Variants in SLC38A2 observed in about 807,000 individuals in gnomAD.
The protein encoded by SLC38A2 is sodium-coupled neutral amino acid symporter 2.
In SLC38A2, 11 loss-of-function variants were observed where a neutral mutation model predicts 61.5. The ratio of observed to expected loss-of-function variants is 0.18; its 90% confidence interval spans 0.11 to 0.30. The LOEUF (loss-of-function observed/expected upper bound fraction) is 0.30, where lower values mean the gene tolerates loss of function less well. Ranked by LOEUF, SLC38A2 falls within the 10% of genes least tolerant of loss-of-function variation. The pLI is 1.00. For missense variants in SLC38A2, 522 were observed against 600.4 expected (o/e 0.87, Z 1.36); for synonymous variants, 217 against 212.5 (o/e 1.02, Z -0.18).
At position 46,371,320 on chromosome 12, in the gene SLC38A2, A is replaced by G. The variant is rs1157594787; in HGVS notation, c.-27T>C. 4 of 1,582,128 alleles carry G rather than the reference A, an allele frequency of 2.5e-6. No individual in the cohort carries two copies. Among genetic ancestry groups the G allele is most frequent in the Non-Finnish European group, 3.5e-6 (4 of 1,151,070 alleles). On this transcript the variant is annotated 5_prime_UTR_variant, in exon 2 of 16. Transcript: ENST00000256689. ...CTAAGCACTGGGAGGAATCGGGTGC[A>G]GCTAGTAGCGCTGGGCTCCTTTTGT...
At chr12:46,361,292 T>G in intron 15 of SLC38A2, 83 bp from the exon 16 acceptor site, 20 of 1,097,374 alleles carry the variant, frequency 1.8e-5, no homozygotes, top group Non-Finnish European at 2.7e-5. Flanking sequence ...AAATGTGCTT[T>G]AATTACTAAA....
chr12:46,364,337 CCT>C, intron 10 of SLC38A2, 50 bp downstream of exon 10: 2 of 1,497,732 alleles, frequency 1.3e-6, no homozygotes, highest in Non-Finnish European at 1.8e-6. Flanking sequence ...GAATAGCTTC[CCT>C]CTTTTCTTCC....
intron 15 of SLC38A2, 71 bp from the exon 16 acceptor site, chr12:46,361,280 T>C: frequency 8.0e-7 from 1 of 1,251,112 alleles, no homozygotes; most frequent in Non-Finnish European, 1.1e-6. Flanking sequence ...TTCTATTTTT[T>C]GAAATGTGCT....
intron 13 of SLC38A2, 69 bp from the exon 14 acceptor site, chr12:46,362,707 A>G (rs1943095149): frequency 6.8e-7 from 1 of 1,471,980 alleles, no homozygotes; most frequent in Non-Finnish European, 9.0e-7. Context: ...TCCAGCTTCA[A>G]TGAATGAAAA....
chr12:46,364,470 T>A lies in SLC38A2; in HGVS notation c.792A>T (p.Pro264=). 3.1e-6 allele frequency: 5 copies of A among 1,613,126 alleles called. No individual in the cohort carries two copies. The highest frequency in any genetic ancestry group is 4.2e-6 in the Non-Finnish European group (5 of 1,179,444). Residue 264 remains proline, a synonymous_variant, in exon 10 of 16, where the codon CCA becomes CCT. Transcript: ENST00000256689. ...GTGACAAAGCAGGTACAAGAGCTGT[T>A]GGCTGTGTTAAGGTGGTGTTTATTG... The part of the protein sequence containing the change: ...NETINTTLTQ[P]TALVPALSHN...
chr12:46,363,025 A>C lies in SLC38A2; in HGVS notation c.1175T>G (p.Phe392Cys). 3 of 1,612,630 alleles carry C rather than the reference A, an allele frequency of 1.9e-6. No homozygotes were observed. The highest frequency in any genetic ancestry group is 1.7e-6 in the Non-Finnish European group (2 of 1,179,056). The change falls in exon 13 of 16, where the codon TTC (phenylalanine) becomes TGC (cysteine). Residue 392 changes from phenylalanine to cysteine, a missense_variant. By Grantham distance (205) the Phe-to-Cys change is radical (BLOSUM62 -2). Transcript: ENST00000256689. ...AVTLTVPVVI[F>C]PIRSSVTHLL... ...GCAGAGCAAGTGATTACTTACTGGGAAAATAACTACTGGTACTGTCAGGGT... is the reference window on the plus strand; with the variant it reads ...GCAGAGCAAGTGATTACTTACTGGGCAAATAACTACTGGTACTGTCAGGGT...
rs1299439577 is a variant in SLC38A2, at chr12:46,365,098, T to G, written c.646+9A>C. The G allele has an allele frequency of 6.2e-7, 1 of 1,610,322 alleles. No homozygotes were observed. Among genetic ancestry groups the G allele is most frequent in the Admixed American group, 1.7e-5 (1 of 59,834 alleles). The stretch of plus-strand genomic sequence containing the variant: ...CATTTCAATTCTCTTTAGAGATGAG[T>G]TTGCTCACCTAAATTTCTAAACAGC... On this transcript the variant is annotated intron_variant, in intron 8 of 15. Transcript: ENST00000256689.
chr12:46,366,807 T>C, intron 7 of SLC38A2, 57 bp downstream of exon 7: 8 of 1,437,542 alleles, frequency 5.6e-6, no homozygotes, highest in Non-Finnish European at 7.6e-6. Flanking sequence ...GATAAAAATG[T>C]ATCTAACCAC....
At position 46,360,578 on chromosome 12, in the gene SLC38A2, G is replaced by A. The variant is rs925544725; in HGVS notation, c.*533C>T. On this transcript the variant is annotated 3_prime_UTR_variant, in exon 16 of 16. Coordinates refer to ENST00000256689, the MANE Select transcript of SLC38A2 (RefSeq NM_018976.5). ...TTAAATACCAATGACATTATTTTAT[G>A]GAATTTATTGATAACTGCTTCTGAA... The A allele has an allele frequency of 6.6e-6, 1 of 152,120 alleles. No homozygotes were observed. Among genetic ancestry groups the A allele is most frequent in the African/African-American group, 2.4e-5 (1 of 41,362 alleles). 9.4% of individuals were successfully genotyped at this position (152,120 alleles called of 1,614,324 possible).
rs927053246 is a variant in SLC38A2, at chr12:46,358,453, A to G, written c.*2658T>C. ...AATGTATTCCTTATTTAAATTTTAA[A>G]TAAGAGATCTGAATTTGTACCAAGA... On this transcript the variant is annotated 3_prime_UTR_variant, in exon 16 of 16. Transcript: ENST00000256689. The G allele has an allele frequency of 6.5e-6, 1 of 152,674 alleles. No homozygotes were observed. Among genetic ancestry groups the G allele is most frequent in the African/African-American group, 2.4e-5 (1 of 41,462 alleles). 9.5% of individuals were successfully genotyped at this position (152,674 alleles called of 1,614,324 possible).
rs779138052 is a variant in SLC38A2 at position 46,370,870 on chromosome 12, T to C, written c.117-13A>G. 16 of 1,582,094 alleles carry C rather than the reference T, an allele frequency of 1.0e-5. No homozygotes were observed. In the Admixed American group the frequency reaches 1.6e-4, roughly 16 times the overall value. On this transcript the variant is annotated splice_polypyrimidine_tract_variant and intron_variant, in intron 2 of 15. Transcript: ENST00000256689. The stretch of plus-strand genomic sequence containing the variant: ...ATCTGCATAATGGCTGCAAAAAATA[T>C]AGACATATATAATTGTAAACTGGAT...
intron 2 of SLC38A2, 159 bp from the exon 3 acceptor site, chr12:46,371,016 G>A: frequency 2.4e-6 from 2 of 824,340 alleles, no homozygotes; most frequent in African/African-American, 1.7e-5. Flanking sequence ...TTTCACACCA[G>A]CTATCTTGTC....
chr12:46,367,649 A>G (rs1943152903), intron 4 of SLC38A2, among the ~76,000 whole-genome samples: 2 of 152,146 alleles, frequency 1.3e-5, no homozygotes, highest in Non-Finnish European at 2.9e-5. Context: ...GGAGTTTGAA[A>G]CTTGTATTTT....
chr12:46,367,827 G>A (rs918621448), intron 4 of SLC38A2, among the ~76,000 whole-genome samples: 6 of 152,112 alleles, frequency 3.9e-5, no homozygotes, highest in Non-Finnish European at 7.4e-5. Flanking sequence ...CACATGGACC[G>A]TATACACAAA....
rs77874856 is a variant in SLC38A2 at position 46,369,284 on chromosome 12, G to A, written c.314+1228C>T. ...AACTCCTGAGATTCTAGGATTCTACGTAAATCGCTGGTCCTTCACCTTAGT... is the reference window on the plus strand; with the variant it reads ...AACTCCTGAGATTCTAGGATTCTACATAAATCGCTGGTCCTTCACCTTAGT... On this transcript the variant is annotated intron_variant, in intron 4 of 15. Coordinates refer to ENST00000256689, the MANE Select transcript of SLC38A2 (RefSeq NM_018976.5). Among the ~76,000 whole-genome samples the A allele has an allele frequency of 2.0e-4, 30 of 152,290 alleles. No homozygotes were observed. The East Asian group carries it at 5.6e-3, about 28-fold the overall frequency.
In SLC38A2 at chr12:46,364,531, G is replaced by A. The variant is rs762092887; in HGVS notation, c.731C>T (p.Pro244Leu). The A allele has an allele frequency of 3.7e-6, 6 of 1,606,550 alleles. No individual in the cohort carries two copies. Among genetic ancestry groups the A allele is most frequent in the South Asian group, 2.2e-5 (2 of 89,254 alleles). Reference protein sequence around the residue: ...IVVICKKFQVPCPVEAALIIN... With the variant: ...IVVICKKFQVLCPVEAALIIN... ...TATCAAAGCAGCTTCCACAGGACAC[G>A]GAACCTGAAATTTCTTGCAAATGAC... The change falls in exon 10 of 16, where the codon CCG (proline) becomes CTG (leucine). Residue 244 changes from proline (P) to leucine (L), a missense_variant. By Grantham distance (98) the Pro-to-Leu change is moderately conservative. Transcript: ENST00000256689.
rs757498122 is a variant in SLC38A2, at chr12:46,371,251, C to T, written c.43G>A (p.Glu15Lys). The T allele has an allele frequency of 6.2e-7, 1 of 1,614,258 alleles. No individual in the cohort carries two copies. The highest frequency in any genetic ancestry group is 8.5e-7 in the Non-Finnish European group (1 of 1,180,046). ...EMGRFSISPDEDSSSYSSNSD... is the reference protein window; with the variant it reads ...EMGRFSISPDKDSSSYSSNSD... The stretch of plus-strand genomic sequence containing the variant: ...TTGGAACTGTAGCTGCTGCTGTCTT[C>T]ATCCGGGGAAATACTGAATCGTCCC... The change falls in exon 2 of 16, where the codon GAA (glutamate) becomes AAA (lysine). Residue 15 changes from glutamate to lysine, a missense_variant. Physicochemically the swap from Glu to Lys is moderately conservative, Grantham distance 56 (BLOSUM62 1). Transcript: ENST00000256689.
chr12:46,370,513 T>G lies in SLC38A2; in HGVS notation c.313A>C (p.Ile105Leu). 4.3e-6 allele frequency: 7 copies of G among 1,610,502 alleles called. No individual in the cohort carries two copies. Among genetic ancestry groups the G allele is most frequent in the Non-Finnish European group, 5.9e-6 (7 of 1,176,706 alleles). ...AMANTGIALFIILLTFVSIFS... is the reference protein window; with the variant it reads ...AMANTGIALFLILLTFVSIFS... ...GACTCACTACTTACACATACTTACA[T>G]AAAAAGAGCAATTCCAGTATTAGCC... is the stretch of plus-strand genomic sequence containing the variant. The change falls in exon 4 of 16, where the codon ATA (isoleucine) becomes CTA (leucine). Residue 105 changes from isoleucine to leucine, a missense_variant and splice_region_variant. By Grantham distance (5) the Ile-to-Leu change is conservative. Coordinates refer to ENST00000256689, the MANE Select transcript of SLC38A2 (RefSeq NM_018976.5).
At position 46,366,911 on chromosome 12, in the gene SLC38A2, C is replaced by T. The variant is rs780192393; in HGVS notation, c.516G>A (p.Glu172=). The T allele has an allele frequency of 4.3e-6, 7 of 1,613,952 alleles. No individual in the cohort carries two copies. The South Asian group carries it at 7.7e-5, about 18-fold the overall frequency. Residue 172 remains glutamate, a synonymous_variant, in exon 7 of 16, where the codon GAG becomes GAA. Transcript: ENST00000256689. The part of the protein sequence containing the change: ...MSSYLFIVKY[E]LPLVIQALTN... ...TTAATGCCTGGATCACCAAAGGCAA[C>T]TCATATTTCACTATGAAGAGGTAGC...
Sources: gnomAD v4.1 joint callset for allele counts (sites outside exome capture counted in the v4.1 genomes callset) on GRCh38, gnomAD v4.1.1 for gene constraint, MANE v1.5 for transcripts, NCBI Gene and HGNC (gene_info 2026-07-23, HGNC 2026-07-21) for gene names.